Variants in SHC2 observed in about 807,000 individuals in gnomAD.
The protein encoded by SHC2 is SHC-transforming protein 2.
A neutral mutation model predicts 60.6 loss-of-function variants in SHC2; 62 were observed. That is an observed-to-expected ratio of 1.02 (90% CI 0.83 to 1.26). SHC2 has a LOEUF of 1.26. Ranked by LOEUF, SHC2 falls within the 50% of genes most tolerant of loss-of-function variation. The pLI, the probability that SHC2 is intolerant of heterozygous loss-of-function variation, is 0.00. For missense variants in SHC2, 873 were observed against 822.2 expected, an observed-to-expected ratio of 1.06 and a Z score of -0.76; for synonymous variants, 375 against 372.4, an observed-to-expected ratio of 1.01 and a Z score of -0.08.
intron 4 of SHC2, among the ~76,000 whole-genome samples, chr19:437,670 C>A (rs147435716): frequency 2.6e-5 from 4 of 152,074 alleles, no homozygotes; most frequent in African/African-American, 9.7e-5. Context: ...CTCAGTCACC[C>A]CCCCGCCAGC....
At position 421,157 on chromosome 19, in the gene SHC2, G is replaced by C. The variant is rs1974259455; in HGVS notation, c.1620+989C>G. ...CTCACGCCTGTAATCCCAGCACTTT[G>C]GGAGGCCGAGGCGGGTGGATCACGA... On this transcript the variant is annotated intron_variant, in intron 11 of 12. Transcript: ENST00000264554. Among the ~76,000 whole-genome samples the C allele has an allele frequency of 2.0e-5, 3 of 152,216 alleles. No individual in the cohort carries two copies. In the South Asian group the frequency reaches 6.2e-4, roughly 32 times the overall value.
At chr19:439,320 C>T (rs1600300806) in intron 2 of SHC2, 2 of 504,116 alleles carry the variant, frequency 4.0e-6, no homozygotes, top group East Asian at 3.4e-5. Flanking sequence ...GGCCCGGCCC[C>T]CAGCTCTGGC....
Position 422,187 on chromosome 19 carries a change from C to A in SHC2, c.1579G>T (p.Gly527Trp). The change falls in exon 11 of 13, where the codon GGG becomes TGG. Residue 527 changes from glycine to tryptophan, a missense_variant. Coordinates refer to ENST00000264554, the MANE Select transcript of SHC2 (RefSeq NM_012435.3). This position sits in a 1 kb window ranked among gnomAD's most constrained non-coding sequence, Gnocchi z 5.0. ...GQYVLTGMHA[G>W]QPKHLLLVDP... ...ACGAGCAGCAGGTGCTTGGGCTGCC[C>A]GGCGTGCATGCCGGTGAGGACATAC... 1 of 1,612,428 alleles carries A rather than the reference C, an allele frequency of 6.2e-7. No individual in the cohort carries two copies. Among genetic ancestry groups the A allele is most frequent in the South Asian group, 1.1e-5 (1 of 90,906 alleles).
intron 1 of SHC2, among the ~76,000 whole-genome samples, chr19:458,708 C>T (rs1304527883): frequency 9.6e-6 from 1 of 104,320 alleles, no homozygotes; most frequent in African/African-American, 3.4e-5. Context: ...GAGGCGGAAG[C>T]GGGTCTTGGG....
intron 11 of SHC2, among the ~76,000 whole-genome samples, chr19:421,254 G>T (rs1600270391): frequency 6.6e-6 from 1 of 152,048 alleles, no homozygotes; most frequent in African/African-American, 2.4e-5. Flanking sequence ...TGAAAAATTA[G>T]CCGGGCGTGG....
intron 1 of SHC2, among the ~76,000 whole-genome samples, chr19:457,846 G>A (rs1482351599): frequency 6.6e-6 from 1 of 152,270 alleles, no homozygotes; most frequent in African/African-American, 2.4e-5. Flanking sequence ...CGTTAAACTT[G>A]TAGGACAAAC....
Position 438,940 on chromosome 19 carries a change from GCC to G in SHC2, c.600+28_600+29del, listed in dbSNP as rs1974786375. 6.3e-7 allele frequency: 1 copy of G among 1,579,336 alleles called. No individual in the cohort carries two copies. Among genetic ancestry groups the G allele is most frequent in the African/African-American group, 1.3e-5 (1 of 74,302 alleles). ...CCCACAGCCCCCGACTGCCCCACCA[GCC>G]CCACGAGAGACCACAAGCCTCACTC... is the stretch of plus-strand genomic sequence containing the variant. On this transcript the variant is annotated intron_variant, in intron 3 of 12. Transcript: ENST00000264554. This position sits in a 1 kb window ranked among gnomAD's most constrained non-coding sequence, Gnocchi z 5.0.
In SHC2 at chr19:441,490, A is replaced by G. The variant is rs1255481639; in HGVS notation, c.469-558T>C. Among the ~76,000 whole-genome samples, 3 of 152,170 alleles carry G rather than the reference A, an allele frequency of 2.0e-5. No homozygotes were observed. Among genetic ancestry groups the G allele is most frequent in the Non-Finnish European group, 4.4e-5 (3 of 68,030 alleles). On this transcript the variant is annotated intron_variant, in intron 1 of 12. Coordinates refer to ENST00000264554, the MANE Select transcript of SHC2 (RefSeq NM_012435.3). The surrounding 1 kb of genome is among the most constrained non-coding windows in gnomAD (Gnocchi z 4.9). Reference sequence around the variant, plus strand: ...GGGACGAGAGGGGCAGAGGCGTCCCACCGAGTCCCTGACCTGCTTCAGTGC... The same window carrying G: ...GGGACGAGAGGGGCAGAGGCGTCCCGCCGAGTCCCTGACCTGCTTCAGTGC...
At chr19:428,822 A>C (rs529186389) in intron 9 of SHC2, among the ~76,000 whole-genome samples, 1 of 152,244 alleles carries the variant, frequency 6.6e-6, no homozygotes, top group African/African-American at 2.4e-5. Flanking sequence ...CGTGCACAGA[A>C]ACCTAATACT....
chr19:418,330 C>T (rs1244825507), intron 12 of SHC2, among the ~76,000 whole-genome samples: 2 of 152,234 alleles, frequency 1.3e-5, no homozygotes, highest in Non-Finnish European at 1.5e-5. Flanking sequence ...CCACCACAGC[C>T]GACCGCAGTG....
chr19:436,596 A>G (rs1192580473), intron 5 of SHC2, 34 bp downstream of exon 5: 2 of 1,595,884 alleles, frequency 1.3e-6, no homozygotes, highest in South Asian at 1.1e-5. Context: ...GGGGGGCGGC[A>G]GGGCTGCAGG....
chr19:417,622 G>A (rs971765416), intron 12 of SHC2, among the ~76,000 whole-genome samples: 6 of 152,230 alleles, frequency 3.9e-5, no homozygotes, highest in Non-Finnish European at 8.8e-5. Context: ...ACAGGGCAAC[G>A]GCCTCCTGAG....
chr19:430,808 C>A lies in SHC2; in HGVS notation c.1111-61G>T. The A allele has an allele frequency of 4.0e-6, 6 of 1,482,640 alleles. No individual in the cohort carries two copies. In the South Asian group the frequency reaches 7.0e-5, roughly 17 times the overall value. 91.8% of individuals were successfully genotyped at this position (1,482,640 alleles called of 1,614,324 possible). ...GCAAGCCCCTCTTCCTGGCTCTGGA[C>A]CCCCAGTCTCCCCGCCCGGCCCTCT... On this transcript the variant is annotated intron_variant, in intron 8 of 12. Transcript: ENST00000264554.
At position 460,962 on chromosome 19, in the gene SHC2, G is replaced by C. The variant is rs1975539144; in HGVS notation, c.35C>G (p.Ala12Gly). 1.0e-6 allele frequency: 1 copy of C among 983,684 alleles called. No homozygotes were observed. Among genetic ancestry groups the C allele is most frequent in the South Asian group, 4.5e-5 (1 of 22,048 alleles). The allele number at this position is 983,684 out of a possible 1,614,324, so 60.9% of individuals were successfully genotyped here. A position where few individuals can be genotyped will look rare whatever the true frequency, so the allele number is the denominator to read the frequency against. ...CTCGGGCTCGGGGGGCGCGGGGGGC[G>C]CCGGGGGCGCGCGCCCGCCCGGACC... ...TQGPGGRAPP[A>G]PPAPPEPEAP... Residue 12 changes from alanine (A) to glycine (G), a missense_variant, in exon 1 of 13, where the codon GCG (alanine) becomes GGG (glycine). Coordinates refer to ENST00000264554, the MANE Select transcript of SHC2 (RefSeq NM_012435.3).
In SHC2 at chr19:460,626, T is replaced by TCGG. The variant is rs755467261; in HGVS notation, c.368_370dup (p.Ala123dup). 5.2e-5 allele frequency: 68 copies of TCGG among 1,316,034 alleles called. No individual in the cohort carries two copies. The highest frequency in any genetic ancestry group is 6.0e-5 in the Non-Finnish European group (61 of 1,025,126). 81.5% of individuals were successfully genotyped at this position (1,316,034 alleles called of 1,614,324 possible). A position where few individuals can be genotyped will look rare whatever the true frequency, so the allele number is the denominator to read the frequency against. Reference sequence around the variant, plus strand: ...GATGAAGCTGCCCTTCCGGATCCACTCGGCGGCGGCGGCGGCGTCCCCGGA... The same window carrying TCGG: ...GATGAAGCTGCCCTTCCGGATCCACTCGGCGGCGGCGGCGGCGGCGTCCCCGGA... On this transcript the variant is annotated inframe_insertion, in exon 1 of 13. Transcript: ENST00000264554.
In SHC2 at chr19:416,871, C is replaced by A. The variant is rs1459415820; in HGVS notation, c.*457G>T. The A allele has an allele frequency of 1.3e-5, 2 of 152,620 alleles. No homozygotes were observed. The highest frequency in any genetic ancestry group is 4.8e-5 in the African/African-American group (2 of 41,442). 9.5% of individuals were successfully genotyped at this position (152,620 alleles called of 1,614,324 possible). On this transcript the variant is annotated 3_prime_UTR_variant, in exon 13 of 13. Coordinates refer to ENST00000264554, the MANE Select transcript of SHC2 (RefSeq NM_012435.3). ...GAACCCCAAAGCACCTTAAGCGTCC[C>A]CCCTCAAAGACAACTGTGCACCCAG...
intron 4 of SHC2, among the ~76,000 whole-genome samples, chr19:437,587 C>G (rs1974755915): frequency 6.6e-6 from 1 of 152,104 alleles, no homozygotes; most frequent in South Asian, 2.1e-4. Flanking sequence ...GCCTCAGTAT[C>G]CTGTCCATAT....
intron 1 of SHC2, among the ~76,000 whole-genome samples, chr19:450,179 G>T (rs1454320209): frequency 2.6e-5 from 4 of 152,158 alleles, no homozygotes; most frequent in Admixed American, 6.5e-5. Flanking sequence ...CTACAGGAGG[G>T]GGGGGACTCA....
chr19:458,341 A>G (rs188360759), intron 1 of SHC2, among the ~76,000 whole-genome samples: 4,148 of 20,814 alleles, frequency 0.2, 352 homozygotes, highest in African/African-American at 0.35. Flanking sequence ...TTCCGGGGAG[A>G]CAGAAGCGGG....
Sources: gnomAD v4.1 joint callset for allele counts (sites outside exome capture counted in the v4.1 genomes callset) on GRCh38, gnomAD v4.1.1 for gene constraint, Gnocchi (gnomAD v3.1) non-coding constraint, MANE v1.5 for transcripts, NCBI Gene and HGNC (gene_info 2026-07-23, HGNC 2026-07-21) for gene names.